The following PTPRD variants were observed in gnomAD, a reference collection of about 807,000 sequenced individuals.
PTPRD encodes protein tyrosine phosphatase receptor type D.
Under a neutral mutation model 214.5 loss-of-function variants are expected in PTPRD, and 34 were observed. The observed-to-expected ratio is 0.16, with a 90% confidence interval of 0.12 to 0.21. The LOEUF (loss-of-function observed/expected upper bound fraction) is 0.21. PTPRD is among the 10% of genes least tolerant of loss of function. The probability of loss-of-function intolerance (pLI) is 1.00; values close to 1 mark genes in which losing one functional copy is unlikely to be tolerated. For synonymous variants in PTPRD, 1,128 were observed against 845.7 expected (o/e 1.33, Z -5.79); for missense variants, 2,545 against 2,398.7 (o/e 1.06, Z -1.27).
intron 7 of PTPRD, among the ~76,000 whole-genome samples, chr9:9,658,780 C>T (rs541303150): frequency 5.5e-4 from 84 of 152,140 alleles, no homozygotes; most frequent in African/African-American, 1.8e-3. Flanking sequence ...GATCTTATTC[C>T]GTGTTAGGTA....
At chr9:9,894,074 C>G (rs2074233650) in intron 5 of PTPRD, among the ~76,000 whole-genome samples, 1 of 151,986 alleles carries the variant, frequency 6.6e-6, no homozygotes, top group South Asian at 2.1e-4. Flanking sequence ...TTTCCTTGGC[C>G]TCCTAACGCT....
intron 5 of PTPRD, among the ~76,000 whole-genome samples, chr9:9,936,117 T>G (rs1398575899): frequency 6.9e-6 from 1 of 145,968 alleles, no homozygotes; most frequent in Admixed American, 6.6e-5. Flanking sequence ...CCTAAAACCA[T>G]AAAAGCCCTA....
intron 2 of PTPRD, among the ~76,000 whole-genome samples, chr9:10,441,141 T>C (rs77455493): frequency 0.075 from 11,401 of 151,772 alleles, 699 homozygotes; most frequent in African/African-American, 0.15. Flanking sequence ...TTTTGCTCTC[T>C]CCTAGTCCAC....
intron 21 of PTPRD, among the ~76,000 whole-genome samples, chr9:8,511,846 T>A (rs1397053388): frequency 6.6e-6 from 1 of 152,110 alleles, no homozygotes; most frequent in Non-Finnish European, 1.5e-5. Context: ...ATAATCCTAC[T>A]GATACATGTT....
intron 5 of PTPRD, among the ~76,000 whole-genome samples, chr9:9,936,101 G>T (rs931367749): frequency 7.6e-5 from 11 of 144,574 alleles, no homozygotes; most frequent in Non-Finnish European, 1.3e-4. Context: ...AGACTTAAAC[G>T]TTCGACCTAA....
chr9:8,492,442 T>G (rs1033064051), intron 27 of PTPRD, among the ~76,000 whole-genome samples: 5 of 152,118 alleles, frequency 3.3e-5, no homozygotes, highest in African/African-American at 1.2e-4. Flanking sequence ...GCCTATACGC[T>G]TTTACTTTTC....
At chr9:8,643,828 G>A (rs530369422) in intron 12 of PTPRD, among the ~76,000 whole-genome samples, 9 of 152,220 alleles carry the variant, frequency 5.9e-5, no homozygotes, top group African/African-American at 1.2e-4. Flanking sequence ...GCCCCTTGGC[G>A]TGAGCAGCCT....
At chr9:9,373,775 G>T (rs2139945153) in intron 9 of PTPRD, among the ~76,000 whole-genome samples, 1 of 152,238 alleles carries the variant, frequency 6.6e-6, no homozygotes, top group Admixed American at 6.5e-5. Flanking sequence ...TATGCAGGGT[G>T]AAATTCACAG....
chr9:9,376,039 A>G (rs1463787340), intron 9 of PTPRD, among the ~76,000 whole-genome samples: 1 of 152,118 alleles, frequency 6.6e-6, no homozygotes, highest in Non-Finnish European at 1.5e-5. Context: ...AGACATTTTC[A>G]TAATATAAAG....
rs768330226 is a variant in PTPRD at position 8,486,248 on chromosome 9, G to A, written c.2569C>T (p.Arg857Cys). 17 of 1,614,042 alleles carry A rather than the reference G, an allele frequency of 1.1e-5. 1 individual carries two copies. The highest frequency in any genetic ancestry group is 5.0e-5 in the Admixed American group (3 of 59,986). ...VDTFGPLQGY[R>C]LKFGRKDMEP... The stretch of plus-strand genomic sequence containing the variant: ...ATATCCTTGCGGCCAAATTTTAGAC[G>A]GTAGCCCTGAAGAGGTCCAAATGTG... Residue 857 changes from arginine (R) to cysteine (C), a missense_variant, in exon 28 of 46, where the codon CGT (arginine) becomes TGT (cysteine). Physicochemically the swap from Arg to Cys is radical, Grantham distance 180. Transcript: ENST00000381196.
intron 10 of PTPRD, among the ~76,000 whole-genome samples, chr9:9,132,321 T>G (rs1248939175): frequency 1.3e-5 from 2 of 152,140 alleles, no homozygotes; most frequent in East Asian, 3.9e-4. Context: ...GCCACTAGTT[T>G]TGAAGGTTGT....
chr9:9,927,147 A>G (rs2084609573), intron 5 of PTPRD, among the ~76,000 whole-genome samples: 1 of 152,194 alleles, frequency 6.6e-6, no homozygotes, highest in Non-Finnish European at 1.5e-5. Flanking sequence ...TAAAATATTG[A>G]GTATTTCTAT....
At chr9:10,536,078 C>T (rs909876099) in intron 2 of PTPRD, among the ~76,000 whole-genome samples, 12 of 152,206 alleles carry the variant, frequency 7.9e-5, no homozygotes, top group African/African-American at 2.6e-4. Context: ...GAGCGGGTGT[C>T]GTGCTAGACT....
At chr9:9,895,512 C>G (rs2074708939) in intron 5 of PTPRD, among the ~76,000 whole-genome samples, 1 of 151,904 alleles carries the variant, frequency 6.6e-6, no homozygotes, top group Non-Finnish European at 1.5e-5. Context: ...GACATATCAA[C>G]TGTCATGTGC....
chr9:9,744,844 A>T (rs1231756342), intron 6 of PTPRD, among the ~76,000 whole-genome samples: 1 of 152,030 alleles, frequency 6.6e-6, no homozygotes, highest in East Asian at 1.9e-4. Context: ...TGAGCCCTCC[A>T]GCAATTTTAA....
At chr9:8,932,791 T>C (rs2098961995) in intron 11 of PTPRD, among the ~76,000 whole-genome samples, 1 of 152,114 alleles carries the variant, frequency 6.6e-6, no homozygotes, top group African/African-American at 2.4e-5. Flanking sequence ...AGCCAGTGGA[T>C]CTTAGCTTGC....
At chr9:8,446,219 C>T (rs2095718096) in intron 34 of PTPRD, among the ~76,000 whole-genome samples, 1 of 152,098 alleles carries the variant, frequency 6.6e-6, no homozygotes, top group South Asian at 2.1e-4. Flanking sequence ...GGGTACAGTT[C>T]TTTGACGTAC....
At chr9:8,806,954 T>C (rs1329990481) in intron 11 of PTPRD, among the ~76,000 whole-genome samples, 2 of 152,098 alleles carry the variant, frequency 1.3e-5, no homozygotes, top group Non-Finnish European at 2.9e-5. Context: ...ACAACTAAAA[T>C]GTAGGAAGAC....
chr9:9,580,011 T>C (rs1033801980), intron 7 of PTPRD, among the ~76,000 whole-genome samples: 1 of 152,150 alleles, frequency 6.6e-6, no homozygotes, highest in African/African-American at 2.4e-5. Flanking sequence ...GTTCCATCCA[T>C]ATTGCTGCAA....
Sources: gnomAD v4.1 joint callset for allele counts (sites outside exome capture counted in the v4.1 genomes callset) on GRCh38, gnomAD v4.1.1 for gene constraint, MANE v1.5 for transcripts, NCBI Gene and HGNC (gene_info 2026-07-23, HGNC 2026-07-21) for gene names.